ZMYM1: variants seen among roughly 807,000 people sequenced by gnomAD.
The protein encoded by ZMYM1 is zinc finger MYM-type containing 1, also known as zinc finger MYM-type protein 1.
In ZMYM1, 39 loss-of-function variants were observed where a neutral mutation model predicts 60.0. That is an observed-to-expected ratio of 0.65 (90% confidence interval 0.50 to 0.85). The LOEUF is 0.85. ZMYM1 is among the 40% of genes least tolerant of loss of function. ZMYM1 has a pLI of 0.00. For synonymous variants in ZMYM1, 413 were observed against 454.0 expected (o/e 0.91, Z 1.15); for missense variants, 1,171 against 1,309.5 (o/e 0.89, Z 1.63).
intron 1 of ZMYM1, among the ~76,000 whole-genome samples, chr1:35,086,698 T>C (rs2148497858): frequency 6.6e-6 from 1 of 152,192 alleles, no homozygotes; most frequent in South Asian, 2.1e-4. Context: ...TTTTTTCTTT[T>C]GAGATGCAGT....
downstream of ZMYM1, among the ~76,000 whole-genome samples, chr1:35,116,936 C>A (rs1197553838): frequency 7.5e-6 from 1 of 133,774 alleles, no homozygotes; most frequent in Admixed American, 9.3e-5. Flanking sequence ...CTCCGCCTTC[C>A]GGGTTCACGC....
chr1:35,116,936 C>T (rs1197553838), downstream of ZMYM1, among the ~76,000 whole-genome samples: 14 of 133,870 alleles, frequency 1.0e-4, no homozygotes, highest in East Asian at 2.3e-4. Context: ...CTCCGCCTTC[C>T]GGGTTCACGC....
At chr1:35,094,402 TTTTG>T (rs1307542502) in intron 2 of ZMYM1, among the ~76,000 whole-genome samples, 2 of 152,206 alleles carry the variant, frequency 1.3e-5, no homozygotes, top group Non-Finnish European at 2.9e-5. Context: ...CACATTTTGT[TTTTG>T]TTTTTCTTAA....
chr1:35,071,638 A>C (rs949509746), intron 1 of ZMYM1, among the ~76,000 whole-genome samples: 2 of 152,060 alleles, frequency 1.3e-5, no homozygotes, highest in African/African-American at 4.8e-5. Context: ...CCAGCCTTCC[A>C]GTTTGCTAGT....
At chr1:35,075,054 G>A (rs1282836429), upstream of ZMYM1, among the ~76,000 whole-genome samples, 1 of 151,970 alleles carries the variant, frequency 6.6e-6, no homozygotes, top group Non-Finnish European at 1.5e-5. Context: ...TAGAGATGGG[G>A]TTTCACTGTG....
upstream of ZMYM1, among the ~76,000 whole-genome samples, chr1:35,074,791 A>C (rs1642138142): frequency 6.6e-6 from 1 of 151,784 alleles, no homozygotes; most frequent in South Asian, 2.1e-4. Flanking sequence ...TATGCAGTCT[A>C]TCTCTTTAGC....
At chr1:35,108,205 T>A (rs922951331) in intron 6 of ZMYM1, among the ~76,000 whole-genome samples, 2 of 152,246 alleles carry the variant, frequency 1.3e-5, no homozygotes, top group Non-Finnish European at 2.9e-5. Flanking sequence ...AATATAAAAG[T>A]TGTTCATACT....
Position 35,097,509 on chromosome 1 carries a change from AC to A in ZMYM1, c.363del (p.Tyr121Ter). On this transcript the variant is annotated frameshift_variant, in exon 4 of 10. Coordinates refer to ENST00000359858, the MANE Select transcript of ZMYM1 (RefSeq NM_024772.5). LOFTEE classifies it high-confidence loss of function. Reference protein sequence around the residue: ...LFCSIPCITEYISSASSPVPS... With the variant: ...LFCSIPCITEXISSASSPVPS... ...TGCTCCATACCATGCATCACTGAATACATTTCATCTGCCAGTTCACCAGTTC... is the reference window on the plus strand; with the variant it reads ...TGCTCCATACCATGCATCACTGAATAATTTCATCTGCCAGTTCACCAGTTC... 6.2e-7 allele frequency: 1 copy of A among 1,614,234 alleles called. No individual in the cohort carries two copies. The highest frequency in any genetic ancestry group is 8.5e-7 in the Non-Finnish European group (1 of 1,180,034).
At chr1:35,099,668 A>G (rs977892780) in intron 4 of ZMYM1, among the ~76,000 whole-genome samples, 3 of 152,152 alleles carry the variant, frequency 2.0e-5, no homozygotes, top group African/African-American at 7.2e-5. Flanking sequence ...AATTTTAGCT[A>G]TTCTTCTGGG....
At chr1:35,093,353 C>A (rs1278837147) in intron 1 of ZMYM1, 1 of 152,438 alleles carries the variant, frequency 6.6e-6, no homozygotes, top group African/African-American at 2.4e-5. Flanking sequence ...GGCTGGAGTG[C>A]AGTGGCTCAA....
At chr1:35,108,499 G>A (rs749416268) in intron 6 of ZMYM1, among the ~76,000 whole-genome samples, 16 of 151,766 alleles carry the variant, frequency 1.1e-4, no homozygotes, top group African/African-American at 3.1e-4. Context: ...TTACTTGGGC[G>A]CACACCACCA....
intron 1 of ZMYM1, among the ~76,000 whole-genome samples, chr1:35,088,618 G>A (rs1350143159): frequency 6.6e-6 from 1 of 150,486 alleles, no homozygotes; most frequent in African/African-American, 2.4e-5. Context: ...CTATGATTTA[G>A]CCCTAGTTTG....
chr1:35,114,656 G>A lies in ZMYM1; in HGVS notation c.2826G>A (p.Gln942=). 1 of 1,596,324 alleles carries A rather than the reference G, an allele frequency of 6.3e-7. No homozygotes were observed. The highest frequency in any genetic ancestry group is 8.5e-7 in the Non-Finnish European group (1 of 1,175,384). The change falls in exon 10 of 10, where the codon CAG becomes CAA. Residue 942 remains glutamine (Q), a synonymous_variant. Coordinates refer to ENST00000359858, the MANE Select transcript of ZMYM1 (RefSeq NM_024772.5). ...KPSLQKRRKI[Q]KSVDLGNSDN... ...CTCTTCAGAAAAGAAGAAAAATTCA[G>A]AAATCAGTAGATCTTGGCAATTCAG...
intron 1 of ZMYM1, among the ~76,000 whole-genome samples, chr1:35,090,900 CG>C (rs975340776): frequency 1.3e-5 from 2 of 151,730 alleles, no homozygotes; most frequent in Non-Finnish European, 2.9e-5. Flanking sequence ...GAGCTGAGAT[CG>C]CGCCATTGCA....
intron 1 of ZMYM1, among the ~76,000 whole-genome samples, chr1:35,063,111 T>C (rs995108297): frequency 8.0e-5 from 12 of 150,422 alleles, no homozygotes; most frequent in Non-Finnish European, 8.8e-5. Flanking sequence ...GAGGTTTTAA[T>C]AGGTCAAGCC....
At chr1:35,084,349 CCT>C (rs1642547692) in intron 1 of ZMYM1, among the ~76,000 whole-genome samples, 1 of 152,050 alleles carries the variant, frequency 6.6e-6, no homozygotes, top group South Asian at 2.1e-4. Context: ...TTTAAAAATT[CCT>C]CTTAGTCCAT....
At chr1:35,070,226 A>C (rs1375797995) in intron 1 of ZMYM1, among the ~76,000 whole-genome samples, 2 of 152,100 alleles carry the variant, frequency 1.3e-5, no homozygotes, top group African/African-American at 4.8e-5. Context: ...TGAATATGGG[A>C]TATCTTTCCA....
chr1:35,111,814 T>C lies in ZMYM1; in HGVS notation c.1004T>C (p.Leu335Pro). Residue 335 changes from leucine to proline, a missense_variant, in exon 8 of 10, where the codon CTT becomes CCT. By Grantham distance (98) the Leu-to-Pro change is moderately conservative (BLOSUM62 -3). Coordinates refer to ENST00000359858, the MANE Select transcript of ZMYM1 (RefSeq NM_024772.5). ...SVVHDTSTELLSPKKDTTPVI... is the reference protein window; with the variant it reads ...SVVHDTSTELPSPKKDTTPVI... ...GTGCATGATACTTCAACAGAGCTTC[T>C]TTCTCCAAAGAAAGATACGACTCCA... is the stretch of plus-strand genomic sequence containing the variant. 8 of 1,607,632 alleles carry C rather than the reference T, an allele frequency of 5.0e-6. No individual in the cohort carries two copies. Among genetic ancestry groups the C allele is most frequent in the Non-Finnish European group, 6.0e-6 (7 of 1,175,784 alleles).
intron 1 of ZMYM1, among the ~76,000 whole-genome samples, chr1:35,065,616 G>T (rs984306670): frequency 1.3e-5 from 2 of 150,134 alleles, no homozygotes; most frequent in Non-Finnish European, 3.0e-5. Context: ...AAAGAAGAAT[G>T]ATCTCAAATA....
Sources: gnomAD v4.1 joint callset for allele counts (sites outside exome capture counted in the v4.1 genomes callset) on GRCh38, gnomAD v4.1.1 for gene constraint, MANE v1.5 for transcripts, NCBI Gene and HGNC (gene_info 2026-07-23, HGNC 2026-07-21) for gene names.